The following MAGI2 variants were observed in gnomAD, a reference collection of about 807,000 sequenced individuals.
MAGI2 encodes the protein membrane-associated guanylate kinase, WW and PDZ domain-containing protein 2.
Under a neutral mutation model 133.3 loss-of-function variants are expected in MAGI2, and 35 were observed. The observed-to-expected ratio is 0.26, with a 90% CI of 0.20 to 0.35. MAGI2 has a LOEUF of 0.35. Among genes scored for constraint, MAGI2 ranks in the 10% least tolerant of loss-of-function variants. MAGI2 has a pLI of 1.00. For synonymous variants in MAGI2, 729 were observed against 710.6 expected, an observed-to-expected ratio of 1.03 and a Z score of -0.41; for missense variants, 1,636 against 1,863.4, an observed-to-expected ratio of 0.88 and a Z score of 2.25.
At chr7:78,823,909 T>TCACACACACACACACACACACA (rs151269215) in intron 2 of MAGI2, among the ~76,000 whole-genome samples, 2 of 148,052 alleles carry the variant, frequency 1.4e-5, no homozygotes, top group African/African-American at 4.9e-5. Flanking sequence ...GGATTTCACA[T>TCACACACACACACACACACACA]CACACACACA....
chr7:78,655,610 C>CAG (rs1812151657), intron 2 of MAGI2, among the ~76,000 whole-genome samples: 1 of 152,060 alleles, frequency 6.6e-6, no homozygotes, highest in African/African-American at 2.4e-5. Context: ...CCTTTCCATG[C>CAG]ACAGACTCCA....
chr7:78,788,674 C>T (rs566199645), intron 2 of MAGI2, among the ~76,000 whole-genome samples: 2 of 152,114 alleles, frequency 1.3e-5, no homozygotes, highest in South Asian at 4.2e-4. Flanking sequence ...TAGAACTGAA[C>T]TAGGAAAGTA....
At chr7:78,813,613 G>A (rs978996055) in intron 2 of MAGI2, among the ~76,000 whole-genome samples, 3 of 151,902 alleles carry the variant, frequency 2.0e-5, no homozygotes, top group African/African-American at 7.3e-5. Flanking sequence ...GTGAAACACC[G>A]TCTCTACTAG....
At chr7:78,558,308 TG>T (rs1455677171) in intron 3 of MAGI2, among the ~76,000 whole-genome samples, 1 of 152,138 alleles carries the variant, frequency 6.6e-6, no homozygotes, top group African/African-American at 2.4e-5. Flanking sequence ...AATCAGTGTG[TG>T]AGATCTCAGC....
intron 1 of MAGI2, among the ~76,000 whole-genome samples, chr7:79,452,493 G>A (rs1360532819): frequency 6.6e-6 from 1 of 152,030 alleles, no homozygotes; most frequent in African/African-American, 2.4e-5. Flanking sequence ...GTGGCTCACG[G>A]ATCCCTAAGG....
At chr7:79,115,867 T>A (rs1053330921) in intron 1 of MAGI2, among the ~76,000 whole-genome samples, 1 of 149,210 alleles carries the variant, frequency 6.7e-6, no homozygotes, top group African/African-American at 2.5e-5. Flanking sequence ...TTTTTTTTTT[T>A]TTTTTTTTTT....
rs1797220691 is a variant in MAGI2 at position 78,896,431 on chromosome 7, GT to G, written c.418+110658del. Among the ~76,000 whole-genome samples, 5 of 151,594 alleles carry G rather than the reference GT, an allele frequency of 3.3e-5. No individual in the cohort carries two copies. The South Asian group carries it at 1.0e-3, about 32-fold the overall frequency. On this transcript the variant is annotated intron_variant, in intron 2 of 21. Coordinates refer to ENST00000354212, the MANE Select transcript of MAGI2 (RefSeq NM_012301.4). ...GCTTAAACAGGTAAAGCTCCTCATT[GT>G]AAAATAATATAAATAAGCATATACG... is the stretch of plus-strand genomic sequence containing the variant.
intron 2 of MAGI2, among the ~76,000 whole-genome samples, chr7:78,701,857 C>T (rs1172339838): frequency 2.6e-5 from 4 of 151,970 alleles, no homozygotes; most frequent in African/African-American, 9.7e-5. Context: ...CATTTCCAAT[C>T]CCCTGCAACC....
chr7:79,099,494 G>A (rs1204852431), intron 1 of MAGI2, among the ~76,000 whole-genome samples: 1 of 151,436 alleles, frequency 6.6e-6, no homozygotes, highest in African/African-American at 2.4e-5. Context: ...TTTTATTTTA[G>A]CTTCAGGGGT....
Position 79,391,506 on chromosome 7 carries a change from GACATATATATATATATATATATATATATA to G in MAGI2, c.301+61485_301+61513del, listed in dbSNP as rs1585811219. Reference sequence around the variant, plus strand: ...CCTTTAACATATATATATATATATAGACATATATATATATATATATATATATATATAGACATATATATATATATATATAT... The same window carrying G: ...CCTTTAACATATATATATATATATAGTAGACATATATATATATATATATAT... On this transcript the variant is annotated intron_variant, in intron 1 of 21. Coordinates refer to ENST00000354212, the MANE Select transcript of MAGI2 (RefSeq NM_012301.4). 1.2e-4 allele frequency among the ~76,000 whole-genome samples: 3 copies of G among 25,284 alleles called. No homozygotes were observed. The East Asian group carries it at 4.6e-3, about 39-fold the overall frequency. The allele number at this position is 25,284 out of a possible 152,430, so 16.6% of individuals were successfully genotyped here.
At chr7:79,339,472 T>TTTGTTTTTG (rs1226214215) in intron 1 of MAGI2, among the ~76,000 whole-genome samples, 1 of 151,438 alleles carries the variant, frequency 6.6e-6, no homozygotes. Context: ...TTGTTTTTTT[T>TTTGTTTTTG]TTTTTTGAGG....
At chr7:78,298,018 GATTAAC>G (rs752850746) in intron 9 of MAGI2, among the ~76,000 whole-genome samples, 53 of 149,528 alleles carry the variant, frequency 3.5e-4, no homozygotes, top group Non-Finnish European at 4.7e-4. Flanking sequence ...AAAAAAAAAA[GATTAAC>G]ATTAACAAGC....
intron 6 of MAGI2, among the ~76,000 whole-genome samples, chr7:78,474,382 C>G: frequency 6.6e-6 from 1 of 151,988 alleles, no homozygotes; most frequent in East Asian, 1.9e-4. Flanking sequence ...AGAAAACCCA[C>G]AAGCTGAATT....
intron 20 of MAGI2, among the ~76,000 whole-genome samples, chr7:78,082,792 C>T (rs1453193192): frequency 6.6e-6 from 1 of 152,132 alleles, no homozygotes; most frequent in Non-Finnish European, 1.5e-5. Flanking sequence ...GGCTGACTCA[C>T]GGGGACCTGG....
At chr7:79,216,903 T>C (rs1490740398) in intron 1 of MAGI2, among the ~76,000 whole-genome samples, 1 of 151,636 alleles carries the variant, frequency 6.6e-6, no homozygotes, top group African/African-American at 2.4e-5. Context: ...TATAAGAGAG[T>C]CTAACATTTA....
rs1554469554 is a variant in MAGI2 at position 79,391,516 on chromosome 7, T to TATATATATATATAGAC, written c.301+61503_301+61504insGTCTATATATATATAT. ...ATATATATATATATAGACATATATA[T>TATATATATATATAGAC]ATATATATATATATATATATAGACA... On this transcript the variant is annotated intron_variant, in intron 1 of 21. Coordinates refer to ENST00000354212, the MANE Select transcript of MAGI2 (RefSeq NM_012301.4). 5.4e-4 allele frequency among the ~76,000 whole-genome samples: 28 copies of TATATATATATATAGAC among 52,128 alleles called. No individual in the cohort carries two copies. In the African/African-American group the frequency reaches 5.7e-3, roughly 11 times the overall value. 34.2% of individuals were successfully genotyped at this position (52,128 alleles called of 152,430 possible).
At chr7:78,958,416 G>A (rs2115720485) in intron 2 of MAGI2, among the ~76,000 whole-genome samples, 1 of 152,160 alleles carries the variant, frequency 6.6e-6, no homozygotes, top group East Asian at 1.9e-4. Flanking sequence ...TTCTTATTAT[G>A]CTTCTCCAGA....
intron 6 of MAGI2, among the ~76,000 whole-genome samples, chr7:78,474,070 A>G (rs1370246164): frequency 6.6e-6 from 1 of 151,996 alleles, no homozygotes; most frequent in Non-Finnish European, 1.5e-5. Context: ...CAATAACAAC[A>G]TTAACCGGTG....
At chr7:79,163,314 T>A (rs1051157056) in intron 1 of MAGI2, among the ~76,000 whole-genome samples, 4 of 152,092 alleles carry the variant, frequency 2.6e-5, no homozygotes, top group Non-Finnish European at 5.9e-5. Context: ...TAGCTGGGAT[T>A]ACAGGCACCT....
Sources: allele counts gnomAD v4.1 joint callset (sites outside exome capture counted in the v4.1 genomes callset), GRCh38; gene constraint gnomAD v4.1.1; transcripts MANE v1.5; gene names NCBI Gene and HGNC (gene_info 2026-07-23, HGNC 2026-07-21).